The following CPE variants were observed in gnomAD, a reference collection of about 807,000 sequenced individuals.
CPE encodes carboxypeptidase E.
CPE carries 17 observed loss-of-function variants against 53.5 expected under a neutral mutation model. The ratio of observed to expected loss-of-function variants is 0.32; its 90% CI spans 0.22 to 0.48. CPE has a LOEUF of 0.48. Among genes scored for constraint, CPE ranks in the 20% least tolerant of loss-of-function variants. The pLI, the probability that CPE is intolerant of heterozygous loss-of-function variation, is 0.99. For synonymous variants in CPE, 226 were observed against 228.8 expected, an observed-to-expected ratio of 0.99 and a Z score of 0.11; for missense variants, 524 against 614.7, an observed-to-expected ratio of 0.85 and a Z score of 1.56.
At chr4:165,381,238 C>G in intron 1 of CPE, 1 of 455,450 alleles carries the variant, frequency 2.2e-6, no homozygotes, top group South Asian at 1.6e-5. Flanking sequence ...GCTTAAGTAT[C>G]TGGAATATAT....
intron 1 of CPE, among the ~76,000 whole-genome samples, chr4:165,426,800 G>T (rs985787478): frequency 6.6e-6 from 1 of 152,212 alleles, no homozygotes; most frequent in Admixed American, 6.5e-5. Context: ...TGAGGTATCA[G>T]CCAGAGTTTT....
intron 4 of CPE, 85 bp from the exon 5 acceptor site, chr4:165,484,337 A>G (rs559245273): frequency 1.5e-4 from 191 of 1,238,574 alleles, no homozygotes; most frequent in Non-Finnish European, 2.1e-4. Flanking sequence ...CAATACAATT[A>G]CTCAATACTG....
chr4:165,406,127 G>A (rs1273744767), intron 1 of CPE: 4 of 752,356 alleles, frequency 5.3e-6, no homozygotes, highest in African/African-American at 1.7e-5. Context: ...CATAACTTCC[G>A]TGAACTCTGA....
chr4:165,445,099 G>C (rs963493341), intron 1 of CPE, among the ~76,000 whole-genome samples: 11 of 152,084 alleles, frequency 7.2e-5, no homozygotes, highest in Non-Finnish European at 2.9e-5. Flanking sequence ...TAGGATTACA[G>C]GCATGCACCA....
chr4:165,449,975 T>G (rs1174598250), intron 1 of CPE, among the ~76,000 whole-genome samples: 3 of 152,152 alleles, frequency 2.0e-5, no homozygotes, highest in African/African-American at 7.2e-5. Context: ...AATCATGAAC[T>G]TATTAGCAAA....
intron 5 of CPE, 52 bp from the exon 6 acceptor site, chr4:165,487,384 TAG>T (rs1560896806): frequency 2.5e-6 from 4 of 1,606,996 alleles, no homozygotes; most frequent in East Asian, 4.5e-5. Context: ...CTAGCCTGTG[TAG>T]AGTTTTAGGC....
intron 1 of CPE, among the ~76,000 whole-genome samples, chr4:165,456,522 CTTTG>C (rs1245381981): frequency 1.3e-5 from 2 of 151,694 alleles, no homozygotes; most frequent in African/African-American, 4.9e-5. Context: ...CTTTGTTTCT[CTTTG>C]TTTCTCTCTT....
intron 1 of CPE, among the ~76,000 whole-genome samples, chr4:165,444,412 A>C (rs1731666081): frequency 6.6e-6 from 1 of 152,136 alleles, no homozygotes; most frequent in South Asian, 2.1e-4. Context: ...CTGTAATCCT[A>C]ACACTTTGGG....
At chr4:165,484,278 T>A in intron 4 of CPE, 144 bp from the exon 5 acceptor site, 2 of 743,962 alleles carry the variant, frequency 2.7e-6, no homozygotes, top group Non-Finnish European at 4.3e-6. Context: ...TATTTAGTAT[T>A]TAAATTTTAC....
chr4:165,471,824 C>T (rs1732212037), intron 3 of CPE, among the ~76,000 whole-genome samples: 2 of 152,198 alleles, frequency 1.3e-5, no homozygotes, highest in South Asian at 4.1e-4. Context: ...TTTTTATTGG[C>T]TCTATAAGTC....
intron 1 of CPE, among the ~76,000 whole-genome samples, chr4:165,399,407 C>T (rs1202415805): frequency 6.6e-6 from 1 of 152,186 alleles, no homozygotes; most frequent in Non-Finnish European, 1.5e-5. Context: ...CTCTGTCACC[C>T]AGGCTGGAGT....
At chr4:165,496,791 G>A (rs542731360) in intron 8 of CPE, among the ~76,000 whole-genome samples, 47 of 152,334 alleles carry the variant, frequency 3.1e-4, no homozygotes, top group African/African-American at 1.1e-3. Flanking sequence ...GCAGAACCTT[G>A]TGGTTTGGGA....
chr4:165,464,028 G>C (rs1421791448), intron 1 of CPE, among the ~76,000 whole-genome samples: 4 of 152,224 alleles, frequency 2.6e-5, no homozygotes, highest in Non-Finnish European at 5.9e-5. Flanking sequence ...GTGCAGAGGA[G>C]AGAAAGAGGG....
At chr4:165,424,187 C>T (rs17046441) in intron 1 of CPE, among the ~76,000 whole-genome samples, 44,687 of 151,458 alleles carry the variant, frequency 0.3, 6,679 homozygotes, top group Middle Eastern at 0.39. Flanking sequence ...GTGGTCCTTT[C>T]ACCTAAATAC....
chr4:165,398,807 G>GT (rs202169913), intron 1 of CPE, among the ~76,000 whole-genome samples: 48 of 151,948 alleles, frequency 3.2e-4, no homozygotes, highest in African/African-American at 9.4e-4. Flanking sequence ...GCCTCCTGCT[G>GT]TTTTTTTTCT....
chr4:165,443,230 G>C (rs1403899669), intron 1 of CPE, among the ~76,000 whole-genome samples: 1 of 152,180 alleles, frequency 6.6e-6, no homozygotes, highest in African/African-American at 2.4e-5. Context: ...CATTTGCTGA[G>C]TAGCTTCTCC....
chr4:165,486,902 C>T (rs1732514233), intron 5 of CPE, among the ~76,000 whole-genome samples: 1 of 152,140 alleles, frequency 6.6e-6, no homozygotes, highest in Non-Finnish European at 1.5e-5. Flanking sequence ...TTAACTTTGG[C>T]AAAGAAATCT....
chr4:165,465,182 C>G (rs983453694), intron 2 of CPE, among the ~76,000 whole-genome samples: 1 of 151,192 alleles, frequency 6.6e-6, no homozygotes, highest in Non-Finnish European at 1.5e-5. Flanking sequence ...GTGTGTGTTC[C>G]TATTTTATTG....
rs147402556 is a variant in CPE at position 165,452,440 on chromosome 4, A to T, written c.308-11950A>T. On this transcript the variant is annotated intron_variant, in intron 1 of 8. Transcript: ENST00000402744. ...TTATGTACAACTATGATATACCATT[A>T]AAAAAAGAAAATAAACCTGTGTATA... Among the ~76,000 whole-genome samples, 979 of 152,208 alleles carry T rather than the reference A, an allele frequency of 6.4e-3. 15 individuals carry two copies. Among genetic ancestry groups the T allele is most frequent in the African/African-American group, 0.023 (953 of 41,520 alleles).
Sources: gnomAD v4.1 joint callset for allele counts (sites outside exome capture counted in the v4.1 genomes callset) on GRCh38, gnomAD v4.1.1 for gene constraint, MANE v1.5 for transcripts, NCBI Gene and HGNC (gene_info 2026-07-23, HGNC 2026-07-21) for gene names.